Variants in SORBS2 observed in about 807,000 individuals in gnomAD.
The protein encoded by SORBS2 is sorbin and SH3 domain containing 2.
In SORBS2, 46 loss-of-function variants were observed where a neutral mutation model predicts 97.7. That is an observed-to-expected ratio of 0.47 (90% CI 0.37 to 0.60). The LOEUF is 0.60. SORBS2 is among the 20% of genes least tolerant of loss of function. The pLI is 0.00. For missense variants in SORBS2, 1,316 were observed against 1,282.3 expected, an observed-to-expected ratio of 1.03 and a Z score of -0.40; for synonymous variants, 476 against 473.4, an observed-to-expected ratio of 1.01 and a Z score of -0.07.
chr4:185,931,799 G>T (rs1411158762), intron 1 of SORBS2, among the ~76,000 whole-genome samples: 1 of 103,236 alleles, frequency 9.7e-6, no homozygotes, highest in African/African-American at 3.8e-5. Flanking sequence ...GACAGGAGAG[G>T]CAGAGACAGA....
At chr4:185,933,264 G>T (rs542501815) in intron 1 of SORBS2, 1 of 152,172 alleles carries the variant, frequency 6.6e-6, no homozygotes, top group South Asian at 2.1e-4. Flanking sequence ...CTACTCGAAC[G>T]TTACAGCAGT....
intron 1 of SORBS2, among the ~76,000 whole-genome samples, chr4:185,844,372 TCA>T (rs2099213312): frequency 6.6e-6 from 1 of 152,082 alleles, no homozygotes; most frequent in Non-Finnish European, 1.5e-5. Context: ...ACAGCGTTGG[TCA>T]CCAGTGAAAT....
At chr4:185,938,393 C>T (rs77365997) in intron 1 of SORBS2, among the ~76,000 whole-genome samples, 1,220 of 76,174 alleles carry the variant, frequency 0.016, 20 homozygotes, top group African/African-American at 0.049. Flanking sequence ...GACACATACA[C>T]ACACACACAC....
chr4:185,696,959 A>C (rs1194261061), intron 2 of SORBS2, among the ~76,000 whole-genome samples: 1 of 152,244 alleles, frequency 6.6e-6, no homozygotes, highest in Non-Finnish European at 1.5e-5. Flanking sequence ...TGAGGATCTC[A>C]TAAGTCAGGC....
intron 1 of SORBS2, among the ~76,000 whole-genome samples, chr4:185,901,237 C>T (rs895389424): frequency 5.9e-5 from 9 of 151,590 alleles, no homozygotes; most frequent in Non-Finnish European, 1.3e-4. Flanking sequence ...GAGTTTCACT[C>T]TTGTTGCCCA....
intron 2 of SORBS2, among the ~76,000 whole-genome samples, chr4:185,710,616 G>A (rs935646626): frequency 1.3e-5 from 2 of 152,174 alleles, no homozygotes; most frequent in Non-Finnish European, 2.9e-5. Flanking sequence ...TTAGATTCTA[G>A]TACTGAAGGG....
chr4:185,637,076 G>A (rs1401131438), intron 4 of SORBS2, among the ~76,000 whole-genome samples: 1 of 152,222 alleles, frequency 6.6e-6, no homozygotes, highest in Non-Finnish European at 1.5e-5. Flanking sequence ...AAGATCCACA[G>A]GACTTCCTGA....
intron 1 of SORBS2, among the ~76,000 whole-genome samples, chr4:185,883,738 G>A (rs1043427856): frequency 1.3e-5 from 2 of 152,180 alleles, no homozygotes; most frequent in Non-Finnish European, 2.9e-5. Context: ...TGTAGTCCCA[G>A]CTACTCAGGC....
chr4:185,889,349 T>G (rs1244447612), intron 1 of SORBS2, among the ~76,000 whole-genome samples: 1 of 151,796 alleles, frequency 6.6e-6, no homozygotes, highest in African/African-American at 2.4e-5. Flanking sequence ...CTTGATTTTT[T>G]CCACAGTCAT....
chr4:185,898,469 A>G (rs1156847237), intron 1 of SORBS2, among the ~76,000 whole-genome samples: 1 of 152,244 alleles, frequency 6.6e-6, no homozygotes, highest in Non-Finnish European at 1.5e-5. Flanking sequence ...ATCACACTCT[A>G]TTCACTGGAC....
At chr4:185,593,427 C>T (rs1000376855) in intron 13 of SORBS2, 2 of 156,622 alleles carry the variant, frequency 1.3e-5, no homozygotes, top group African/African-American at 4.8e-5. Context: ...TTTAATACTG[C>T]CCTTTTCAAA....
At chr4:185,739,022 CA>C (rs1240303479) in intron 2 of SORBS2, among the ~76,000 whole-genome samples, 2 of 152,168 alleles carry the variant, frequency 1.3e-5, no homozygotes, top group Non-Finnish European at 2.9e-5. Context: ...ACTCTAGCAT[CA>C]AAAAAGTGTG....
At chr4:185,935,179 G>A (rs531276032) in intron 1 of SORBS2, among the ~76,000 whole-genome samples, 6 of 152,266 alleles carry the variant, frequency 3.9e-5, no homozygotes, top group East Asian at 1.9e-4. Flanking sequence ...AGTAAAACCC[G>A]ATCCAAATTC....
chr4:185,831,370 T>C (rs1228658599), intron 1 of SORBS2, among the ~76,000 whole-genome samples: 18 of 152,234 alleles, frequency 1.2e-4, no homozygotes, highest in Admixed American at 1.2e-3. Context: ...GAGGCAGCTA[T>C]TCTTAGCCTT....
intron 1 of SORBS2, among the ~76,000 whole-genome samples, chr4:185,820,733 C>T (rs1223398331): frequency 1.3e-5 from 2 of 152,194 alleles, no homozygotes; most frequent in Admixed American, 6.5e-5. Flanking sequence ...CTGGCAGTCC[C>T]GGGACTTCAC....
intron 14 of SORBS2, chr4:185,589,370 C>T (rs1283198544): frequency 2.5e-5 from 8 of 316,964 alleles, no homozygotes; most frequent in Non-Finnish European, 4.8e-5. Context: ...TATTTCTCTT[C>T]TGGGGACCAT....
intron 2 of SORBS2, among the ~76,000 whole-genome samples, chr4:185,753,957 T>C (rs1176234854): frequency 6.6e-6 from 1 of 152,164 alleles, no homozygotes; most frequent in African/African-American, 2.4e-5. Context: ...GGTCTATACC[T>C]AAAGGAATAT....
At chr4:185,663,492 C>T (rs1179611585) in intron 4 of SORBS2, among the ~76,000 whole-genome samples, 4 of 152,186 alleles carry the variant, frequency 2.6e-5, no homozygotes, top group African/African-American at 7.2e-5. Flanking sequence ...AAAAATTACA[C>T]TCATATCATA....
At chr4:185,588,020 T>C in intron 14 of SORBS2, 2 of 232,398 alleles carry the variant, frequency 8.6e-6, no homozygotes, top group Non-Finnish European at 1.7e-5. Flanking sequence ...CACACCAGAG[T>C]CGGGGGTGAG....
Sources: gnomAD v4.1 joint callset for allele counts (sites outside exome capture counted in the v4.1 genomes callset) on GRCh38, gnomAD v4.1.1 for gene constraint, MANE v1.5 for transcripts, NCBI Gene and HGNC (gene_info 2026-07-23, HGNC 2026-07-21) for gene names.